Variants in LIX1 observed in about 807,000 individuals in gnomAD.
The protein encoded by LIX1 is protein limb expression 1 homolog.
A neutral mutation model predicts 33.4 loss-of-function variants in LIX1; 24 were observed. That is an observed-to-expected ratio of 0.72 (90% confidence interval 0.52 to 1.01). The LOEUF (loss-of-function observed/expected upper bound fraction) is 1.01. Among genes scored for constraint, LIX1 ranks in the 50% least tolerant of loss-of-function variants. The probability of loss-of-function intolerance (pLI) is 0.00; values close to 1 mark genes in which losing one functional copy is unlikely to be tolerated. For synonymous variants in LIX1, 124 were observed against 124.0 expected (o/e 1.00, Z 0.00); for missense variants, 311 against 339.2 (o/e 0.92, Z 0.65).
chr5:97,140,165 A>G (rs1206669817), intron 1 of LIX1, among the ~76,000 whole-genome samples: 1 of 152,204 alleles, frequency 6.6e-6, no homozygotes, highest in Non-Finnish European at 1.5e-5. Context: ...TGAAGAGAGA[A>G]AAACTGTGTT....
intron 2 of LIX1, 110 bp from the exon 3 acceptor site, chr5:97,107,610 T>C (rs1434423175): frequency 8.4e-7 from 1 of 1,184,252 alleles, no homozygotes; most frequent in Non-Finnish European, 1.2e-6. Flanking sequence ...ACTGTCCGCA[T>C]CTATTCTGTT....
At chr5:97,119,274 A>C (rs543313099) in intron 2 of LIX1, among the ~76,000 whole-genome samples, 2 of 152,318 alleles carry the variant, frequency 1.3e-5, no homozygotes, top group Non-Finnish European at 2.9e-5. Flanking sequence ...TCCATCGTGA[A>C]ATGATTTGTA....
At chr5:97,115,909 G>A (rs2112779534) in intron 2 of LIX1, among the ~76,000 whole-genome samples, 1 of 152,198 alleles carries the variant, frequency 6.6e-6, no homozygotes. Context: ...GTACCCAAGG[G>A]GTTTTCCAAA....
intron 2 of LIX1, among the ~76,000 whole-genome samples, chr5:97,123,184 C>T (rs1025623637): frequency 6.6e-6 from 1 of 152,266 alleles, no homozygotes; most frequent in African/African-American, 2.4e-5. Flanking sequence ...CACACATCCT[C>T]ACTTGGCAGT....
chr5:97,127,802 T>A (rs899392113), intron 1 of LIX1, among the ~76,000 whole-genome samples: 1 of 152,176 alleles, frequency 6.6e-6, no homozygotes, highest in African/African-American at 2.4e-5. Flanking sequence ...CTGCCTTCCA[T>A]GTTACAGAAT....
chr5:97,133,627 T>G (rs539784123), intron 1 of LIX1, among the ~76,000 whole-genome samples: 35 of 152,228 alleles, frequency 2.3e-4, no homozygotes, highest in Non-Finnish European at 3.4e-4. Flanking sequence ...AGTTCAGGGA[T>G]AGAAAAGAGA....
intron 2 of LIX1, among the ~76,000 whole-genome samples, chr5:97,118,472 A>T (rs1010383169): frequency 6.6e-6 from 1 of 152,124 alleles, no homozygotes; most frequent in Non-Finnish European, 1.5e-5. Flanking sequence ...CCAGACGTGG[A>T]TCTGATGGCC....
chr5:97,122,002 G>T (rs1747796519), intron 2 of LIX1, among the ~76,000 whole-genome samples: 1 of 152,126 alleles, frequency 6.6e-6, no homozygotes, highest in Non-Finnish European at 1.5e-5. Context: ...CTTCCTCAAT[G>T]GCTGCCTTTC....
intron 3 of LIX1, among the ~76,000 whole-genome samples, chr5:97,106,197 A>G (rs543509173): frequency 6.6e-6 from 1 of 152,360 alleles, no homozygotes; most frequent in Non-Finnish European, 1.5e-5. Context: ...GCTCCTGAGT[A>G]AATTTCACAC....
intron 5 of LIX1, 50 bp downstream of exon 5, chr5:97,096,760 A>G: frequency 7.9e-7 from 1 of 1,266,630 alleles, no homozygotes; most frequent in Middle Eastern, 1.9e-4. Context: ...ATGATAAGCC[A>G]CCTGCTGAGT....
At chr5:97,105,047 T>C (rs1364861125) in intron 4 of LIX1, 143 bp downstream of exon 4, 2 of 684,316 alleles carry the variant, frequency 2.9e-6, no homozygotes, top group African/African-American at 3.6e-5. Context: ...CCATGCTGGA[T>C]TCCAGGAGGG....
At chr5:97,120,925 A>G (rs1442552177) in intron 2 of LIX1, among the ~76,000 whole-genome samples, 1 of 152,206 alleles carries the variant, frequency 6.6e-6, no homozygotes, top group Non-Finnish European at 1.5e-5. Context: ...TCATGTTTCA[A>G]TGAATAATGA....
intron 1 of LIX1, among the ~76,000 whole-genome samples, chr5:97,133,450 A>T (rs551914222): frequency 6.6e-6 from 1 of 152,378 alleles, no homozygotes; most frequent in African/African-American, 2.4e-5. Flanking sequence ...GACTGGAGGA[A>T]GTAAAGGAAG....
chr5:97,123,344 C>T lies in LIX1; in HGVS notation c.246+1122G>A, dbSNP rs1198407912. On this transcript the variant is annotated intron_variant, in intron 2 of 5. Coordinates refer to ENST00000274382, the MANE Select transcript of LIX1 (RefSeq NM_153234.5). ...AGGTACTTCATACTTTCTTCGTCCTCACCTTTCACATACCCGCTCCACTTC... is the reference window on the plus strand; with the variant it reads ...AGGTACTTCATACTTTCTTCGTCCTTACCTTTCACATACCCGCTCCACTTC... Among the ~76,000 whole-genome samples the T allele has an allele frequency of 2.0e-5, 3 of 152,302 alleles. No individual in the cohort carries two copies. In the East Asian group the frequency reaches 5.8e-4, roughly 29 times the overall value.
intron 4 of LIX1, among the ~76,000 whole-genome samples, chr5:97,104,015 A>G (rs1055365716): frequency 3.3e-5 from 5 of 152,010 alleles, no homozygotes. Flanking sequence ...GGATGGGTGA[A>G]GAAAGAGCAT....
chr5:97,115,361 T>C (rs183925775), intron 2 of LIX1, among the ~76,000 whole-genome samples: 3 of 152,358 alleles, frequency 2.0e-5, no homozygotes, highest in Admixed American at 2.0e-4. Context: ...TTACTGATTA[T>C]AGAACCATCT....
At chr5:97,125,253 T>C (rs180893925) in intron 1 of LIX1, among the ~76,000 whole-genome samples, 14 of 152,290 alleles carry the variant, frequency 9.2e-5, no homozygotes, top group Admixed American at 7.2e-4. Context: ...TCAGAAAACA[T>C]AGTAATGGCT....
At chr5:97,097,037 C>T in intron 4 of LIX1, 150 bp from the exon 5 acceptor site, 1 of 640,946 alleles carries the variant, frequency 1.6e-6, no homozygotes, top group Non-Finnish European at 2.8e-6. Context: ...AGCCCAGGGT[C>T]CCAGGGCTTC....
At chr5:97,138,976 C>T (rs1748226898) in intron 1 of LIX1, among the ~76,000 whole-genome samples, 1 of 152,108 alleles carries the variant, frequency 6.6e-6, no homozygotes, top group Non-Finnish European at 1.5e-5. Flanking sequence ...ATCTACAACA[C>T]TTCTGGTCCC....
Sources: gnomAD v4.1 joint callset for allele counts (sites outside exome capture counted in the v4.1 genomes callset) on GRCh38, gnomAD v4.1.1 for gene constraint, MANE v1.5 for transcripts, NCBI Gene and HGNC (gene_info 2026-07-23, HGNC 2026-07-21) for gene names.